Variants in MYORG observed in about 807,000 individuals in gnomAD.
MYORG encodes the protein myogenesis regulating glycosidase, also known as alpha-galactosidase MYORG.
In MYORG, 45 loss-of-function variants were observed where a neutral mutation model predicts 49.8. The ratio of observed to expected loss-of-function variants is 0.90; its 90% CI spans 0.71 to 1.16. MYORG has a LOEUF of 1.16. Among genes scored for constraint, MYORG ranks in the 50% most tolerant of loss-of-function variants. MYORG has a pLI of 0.00. For missense variants in MYORG, 1,110 were observed against 1,026.5 expected (o/e 1.08, Z -1.11); for synonymous variants, 552 against 462.9 (o/e 1.19, Z -2.47).
In MYORG at chr9:34,372,120, G is replaced by T. The variant is rs1473291484; in HGVS notation, c.824C>A (p.Ala275Glu). The T allele has an allele frequency of 1.9e-6, 3 of 1,612,672 alleles. No individual in the cohort carries two copies. In the African/African-American group the frequency reaches 4.0e-5, roughly 22 times the overall value. Residue 275 changes from alanine (A) to glutamate (E), a missense_variant, in exon 2 of 2, where the codon GCA (alanine) becomes GAA (glutamate). Coordinates refer to ENST00000297625, the MANE Select transcript of MYORG (RefSeq NM_020702.5). ...CACTCGGTAGCTCAGCTCTGGCGCT[G>T]CGGCGCGGCCGGCGGGTGGCTTGTA... ...TPYKPPAGRA[A>E]APELSYRVCV...
At position 34,371,777 on chromosome 9, in the gene MYORG, G is replaced by C. The variant is rs1820606265; in HGVS notation, c.1167C>G (p.Leu389=). ...RLRDAGFRVT[L]WVHPFVNYNS... The stretch of plus-strand genomic sequence containing the variant: ...TGTAGTTGACAAAAGGGTGCACCCA[G>C]AGCGTGACGCGGAAGCCGGCGTCGC... Residue 389 remains leucine, a synonymous_variant, in exon 2 of 2, where the codon CTC becomes CTG. Transcript: ENST00000297625. 6.2e-7 allele frequency: 1 copy of C among 1,613,892 alleles called. No homozygotes were observed. Among genetic ancestry groups the C allele is most frequent in the East Asian group, 2.2e-5 (1 of 44,882 alleles).
rs1013922752 is a variant in MYORG, at chr9:34,372,276, C to T, written c.668G>A (p.Gly223Asp). 6.2e-6 allele frequency: 10 copies of T among 1,609,942 alleles called. No homozygotes were observed. Among genetic ancestry groups the T allele is most frequent in the African/African-American group, 2.7e-5 (2 of 74,852 alleles). Residue 223 changes from glycine (G) to aspartate (D), a missense_variant, in exon 2 of 2, where the codon GGC (glycine) becomes GAC (aspartate). Transcript: ENST00000297625. Reference sequence around the variant, plus strand: ...AGATAGCCAGTAGCGCTCGAGGATGCCCCCAAACGCGGCGTCGGAGGAGTA... The same window carrying T: ...AGATAGCCAGTAGCGCTCGAGGATGTCCCCAAACGCGGCGTCGGAGGAGTA... The part of the protein sequence containing the change: ...DVYSSDAAFG[G>D]ILERYWLSSR...
Position 34,369,392 on chromosome 9 carries a change from AAG to A in MYORG, c.*1405_*1406del, listed in dbSNP as rs1440995318. The A allele has an allele frequency of 1.3e-5, 2 of 152,164 alleles. No individual in the cohort carries two copies. The highest frequency in any genetic ancestry group is 2.4e-5 in the African/African-American group (1 of 41,422). 9.4% of individuals were successfully genotyped at this position (152,164 alleles called of 1,614,324 possible). ...TCCGGCTGAGGTTGCTCTTCTTAGA[AAG>A]AGAAAATGGCTGGCGTGGTGGCTCA... On this transcript the variant is annotated 3_prime_UTR_variant, in exon 2 of 2. Coordinates refer to ENST00000297625, the MANE Select transcript of MYORG (RefSeq NM_020702.5).
rs1820590031 is a variant in MYORG at position 34,371,269 on chromosome 9, C to T, written c.1675G>A (p.Val559Met). ...TCGCCGCCGGCTGTCCGCTGGGGCA[C>T]GGCGTTGCCGCCCACCATATCGGGT... ...ILPDMVGGNA[V>M]PQRTAGGDVP... The change falls in exon 2 of 2, where the codon GTG becomes ATG. Residue 559 changes from valine (V) to methionine (M), a missense_variant. Val to Met is a conservative substitution (Grantham distance 21, BLOSUM62 1). Coordinates refer to ENST00000297625, the MANE Select transcript of MYORG (RefSeq NM_020702.5). 2.5e-6 allele frequency: 4 copies of T among 1,608,746 alleles called. No homozygotes were observed. The highest frequency in any genetic ancestry group is 1.7e-4 in the Middle Eastern group (1 of 6,054).
chr9:34,371,090 C>G lies in MYORG; in HGVS notation c.1854G>C (p.Leu618=). The change falls in exon 2 of 2, where the codon CTG becomes CTC. Residue 618 remains leucine, a synonymous_variant. Coordinates refer to ENST00000297625, the MANE Select transcript of MYORG (RefSeq NM_020702.5). ...AALRASLVAP[L]LLELAGEVTD... Reference sequence around the variant, plus strand: ...TGACCTCGCCCGCCAGCTCAAGCAACAGCGGTGCCACAAGCGAGGCCCGCA... The same window carrying G: ...TGACCTCGCCCGCCAGCTCAAGCAAGAGCGGTGCCACAAGCGAGGCCCGCA... The G allele has an allele frequency of 6.2e-7, 1 of 1,609,582 alleles. No homozygotes were observed. The highest frequency in any genetic ancestry group is 8.5e-7 in the Non-Finnish European group (1 of 1,177,262).
rs1314501177 is a variant in MYORG at position 34,368,857 on chromosome 9, T to C, written c.*1942A>G. On this transcript the variant is annotated 3_prime_UTR_variant, in exon 2 of 2. Transcript: ENST00000297625. ...GCGCCCCACTCTACTGGTACCAATT[T>C]ACTGTATAGGTTCATTTTCACAGTG... 6.6e-6 allele frequency: 1 copy of C among 152,368 alleles called. No homozygotes were observed. The highest frequency in any genetic ancestry group is 1.9e-4 in the East Asian group (1 of 5,204). 9.4% of individuals were successfully genotyped at this position (152,368 alleles called of 1,614,324 possible).
chr9:34,373,752 C>T (rs570357642), intron 1 of MYORG, among the ~76,000 whole-genome samples: 137 of 152,326 alleles, frequency 9.0e-4, no homozygotes, highest in Non-Finnish European at 1.2e-3. Context: ...CTCGCCCAGT[C>T]CCCCTTGAGA....
rs1026796632 is a variant in MYORG at position 34,372,955 on chromosome 9, T to A, written c.-12A>T. ...GGGTTCTGGAGCATTAGTGGGCTGC[T>A]AAGAAAGGAGCGGGCCGTGGGGCCA... is the stretch of plus-strand genomic sequence containing the variant. On this transcript the variant is annotated 5_prime_UTR_variant, in exon 2 of 2. It removes the in-frame stop codon of an upstream open reading frame in the 5' UTR. Transcript: ENST00000297625. The A allele has an allele frequency of 4.3e-6, 7 of 1,610,478 alleles. No homozygotes were observed. The highest frequency in any genetic ancestry group is 5.9e-6 in the Non-Finnish European group (7 of 1,177,458).
chr9:34,371,350 G>A lies in MYORG; in HGVS notation c.1594C>T (p.Arg532Cys), dbSNP rs1214323946. 2 of 1,612,780 alleles carry A rather than the reference G, an allele frequency of 1.2e-6. No homozygotes were observed. Among genetic ancestry groups the A allele is most frequent in the Non-Finnish European group, 8.5e-7 (1 of 1,179,574 alleles). Reference sequence around the variant, plus strand: ...GTGAGCACCGCGGGGATGAGTGAGCGCAACCCCAGGTCGTAGCCCCACACA... The same window carrying A: ...GTGAGCACCGCGGGGATGAGTGAGCACAACCCCAGGTCGTAGCCCCACACA... ...DSVWGYDLGL[R>C]SLIPAVLTVS... Residue 532 changes from arginine (R) to cysteine (C), a missense_variant, in exon 2 of 2, where the codon CGC (arginine) becomes TGC (cysteine). Coordinates refer to ENST00000297625, the MANE Select transcript of MYORG (RefSeq NM_020702.5).
chr9:34,370,554 G>A lies in MYORG; in HGVS notation c.*245C>T, dbSNP rs997291073. On this transcript the variant is annotated 3_prime_UTR_variant, in exon 2 of 2. Transcript: ENST00000297625. ...CCACCCCAGGGAAGAGGTTTCTGCA[G>A]ATTGGTGTGAGTGTGGGGGTGGAAA... 19 of 553,758 alleles carry A rather than the reference G, an allele frequency of 3.4e-5. No homozygotes were observed. The highest frequency in any genetic ancestry group is 5.6e-5 in the African/African-American group (3 of 53,602). The allele number at this position is 553,758 out of a possible 1,614,324, so 34.3% of individuals were successfully genotyped here.
rs1462864362 is a variant in MYORG, at chr9:34,372,654, G to A, written c.290C>T (p.Ala97Val). 6 of 1,608,012 alleles carry A rather than the reference G, an allele frequency of 3.7e-6. No individual in the cohort carries two copies. The highest frequency in any genetic ancestry group is 5.1e-6 in the Non-Finnish European group (6 of 1,177,372). Residue 97 changes from alanine (A) to valine (V), a missense_variant, in exon 2 of 2, where the codon GCT becomes GTT. By Grantham distance (64) the Ala-to-Val change is moderately conservative. Transcript: ENST00000297625. ...RLRAELLDLK[A>V]GGFSIRNQKG... ...CTGATTGCGGATGGAGAAGCCGCCAGCTTTCAGGTCCAGCAGCTCCGCGCG... is the reference window on the plus strand; with the variant it reads ...CTGATTGCGGATGGAGAAGCCGCCAACTTTCAGGTCCAGCAGCTCCGCGCG...
rs2131884893 is a variant in MYORG at position 34,376,299 on chromosome 9, TA to T, written c.-64+493del. ...TTAACAGTGGTGCCAGAGACCTCTG[TA>T]ATCTGCCGCCTCCGCCAGGTGGAGT... On this transcript the variant is annotated intron_variant, in intron 1 of 1. Transcript: ENST00000297625. This position sits in a 1 kb window ranked among gnomAD's most constrained non-coding sequence, Gnocchi z 4.4. 6.6e-6 allele frequency among the ~76,000 whole-genome samples: 1 copy of T among 152,272 alleles called. No homozygotes were observed. The highest frequency in any genetic ancestry group is 1.9e-4 in the East Asian group (1 of 5,174).
rs375647594 is a variant in MYORG, at chr9:34,370,910, G to A, written c.2034C>T (p.Pro678=). 19 of 1,613,346 alleles carry A rather than the reference G, an allele frequency of 1.2e-5. No individual in the cohort carries two copies. The highest frequency in any genetic ancestry group is 1.6e-5 in the Non-Finnish European group (19 of 1,179,586). The change falls in exon 2 of 2, where the codon CCC becomes CCT. Residue 678 remains proline (P), a synonymous_variant. Transcript: ENST00000297625. ...PGKQERDVYL[P]AGKWRSYKGE... ...CCTTGTAGCTGCGCCACTTGCCGGC[G>A]GGCAAATAGACGTCGCGCTCCTGCT...
In MYORG at chr9:34,370,624, G is replaced by GC. The variant is rs913195171; in HGVS notation, c.*174dup. On this transcript the variant is annotated 3_prime_UTR_variant, in exon 2 of 2. Coordinates refer to ENST00000297625, the MANE Select transcript of MYORG (RefSeq NM_020702.5). ...CGTTGGAGCAGGAGATTGCTTCAGT[G>GC]CCCCCTCCCTAGGCCCCACCTTCAG... 2 of 1,187,886 alleles carry GC rather than the reference G, an allele frequency of 1.7e-6. No individual in the cohort carries two copies. The highest frequency in any genetic ancestry group is 5.9e-5 in the Admixed American group (2 of 33,656). 73.6% of individuals were successfully genotyped at this position (1,187,886 alleles called of 1,614,324 possible). A position where few individuals can be genotyped will look rare whatever the true frequency, so the allele number is the denominator to read the frequency against.
chr9:34,373,062 T>C, intron 1 of MYORG, 56 bp from the exon 2 acceptor site: 10 of 1,266,410 alleles, frequency 7.9e-6, no homozygotes, highest in Non-Finnish European at 9.9e-6. Context: ...ATATTTCCAT[T>C]TGCTGCCGCA....
At position 34,372,672 on chromosome 9, in the gene MYORG, T is replaced by G; in HGVS notation, c.272A>C (p.Glu91Ala). The G allele has an allele frequency of 6.2e-7, 1 of 1,608,470 alleles. No individual in the cohort carries two copies. Among genetic ancestry groups the G allele is most frequent in the Non-Finnish European group, 8.5e-7 (1 of 1,177,580 alleles). Residue 91 changes from glutamate (E) to alanine (A), a missense_variant, in exon 2 of 2, where the codon GAG (glutamate) becomes GCG (alanine). Coordinates refer to ENST00000297625, the MANE Select transcript of MYORG (RefSeq NM_020702.5). ...SLRKAERLRA[E>A]LLDLKAGGFS... ...GCCGCCAGCTTTCAGGTCCAGCAGCTCCGCGCGAAGTCGCTCCGCCTTGCG... is the reference window on the plus strand; with the variant it reads ...GCCGCCAGCTTTCAGGTCCAGCAGCGCCGCGCGAAGTCGCTCCGCCTTGCG...
rs755984391 is a variant in MYORG at position 34,372,176 on chromosome 9, C to T, written c.768G>A (p.Leu256=). ...HLGWNSTERS[L]RLQARYHDTP... ...TGTCGTGGTAGCGCGCCTGAAGCCG[C>T]AGCGAGCGCTCCGTGCTGTTCCAGC... is the stretch of plus-strand genomic sequence containing the variant. The change falls in exon 2 of 2, where the codon CTG becomes CTA. Residue 256 remains leucine, a synonymous_variant. Coordinates refer to ENST00000297625, the MANE Select transcript of MYORG (RefSeq NM_020702.5). 1.2e-6 allele frequency: 2 copies of T among 1,611,422 alleles called. No individual in the cohort carries two copies. Among genetic ancestry groups the T allele is most frequent in the Non-Finnish European group, 1.7e-6 (2 of 1,179,236 alleles).
rs1440755193 is a variant in MYORG, at chr9:34,376,140, G to A, written c.-64+653C>T. Among the ~76,000 whole-genome samples the A allele has an allele frequency of 6.6e-6, 1 of 152,276 alleles. No homozygotes were observed. The highest frequency in any genetic ancestry group is 1.5e-5 in the Non-Finnish European group (1 of 68,048). ...TTCCATCAGATGGACATGGCATGGTGAGGCCTGTCTTTCCAAGGGCTGGTG... is the reference window on the plus strand; with the variant it reads ...TTCCATCAGATGGACATGGCATGGTAAGGCCTGTCTTTCCAAGGGCTGGTG... On this transcript the variant is annotated intron_variant, in intron 1 of 1. Coordinates refer to ENST00000297625, the MANE Select transcript of MYORG (RefSeq NM_020702.5). This position sits in a 1 kb window ranked among gnomAD's most constrained non-coding sequence, Gnocchi z 4.4.
chr9:34,366,748 C>T lies in MYORG; in HGVS notation c.*4051G>A, dbSNP rs902762592. The T allele has an allele frequency of 1.3e-5, 2 of 152,220 alleles. No individual in the cohort carries two copies. The highest frequency in any genetic ancestry group is 6.5e-5 in the Admixed American group (1 of 15,282). 9.4% of individuals were successfully genotyped at this position (152,220 alleles called of 1,614,324 possible). On this transcript the variant is annotated 3_prime_UTR_variant, in exon 2 of 2. Coordinates refer to ENST00000297625, the MANE Select transcript of MYORG (RefSeq NM_020702.5). ...ACATTTGTGCTTATAATTCTTACAA[C>T]AACCTCGGGAGGTAGGCATTATTAT...
Sources: gnomAD v4.1 joint callset for allele counts (sites outside exome capture counted in the v4.1 genomes callset) on GRCh38, gnomAD v4.1.1 for gene constraint, Gnocchi (gnomAD v3.1) non-coding constraint, MANE v1.5 for transcripts, NCBI Gene and HGNC (gene_info 2026-07-23, HGNC 2026-07-21) for gene names.